The following HNF1B variants were observed in gnomAD, a reference collection of about 807,000 sequenced individuals.
HNF1B encodes hepatocyte nuclear factor 1-beta.
A neutral mutation model predicts 61.7 loss-of-function variants in HNF1B; 8 were observed. The ratio of observed to expected loss-of-function variants is 0.13; its 90% CI spans 0.08 to 0.23. The LOEUF is 0.23. Among genes scored for constraint, HNF1B ranks in the 10% least tolerant of loss-of-function variants. HNF1B has a pLI of 1.00. For missense variants in HNF1B, 562 were observed against 714.5 expected, an observed-to-expected ratio of 0.79 and a Z score of 2.43; for synonymous variants, 314 against 287.7, an observed-to-expected ratio of 1.09 and a Z score of -0.93.
chr17:37,705,234 C>G (rs1366956605), intron 5 of HNF1B, among the ~76,000 whole-genome samples, 185 bp from the exon 6 acceptor site: 1 of 152,174 alleles, frequency 6.6e-6, no homozygotes, highest in African/African-American at 2.4e-5. Context: ...CTTTGGGAAG[C>G]CAAGACAGGA....
chr17:37,692,552 A>G (rs1332027110), intron 8 of HNF1B, among the ~76,000 whole-genome samples: 4 of 152,232 alleles, frequency 2.6e-5, no homozygotes, highest in African/African-American at 4.8e-5. Flanking sequence ...CTAGAAAAGC[A>G]TCTGGGGTGC....
intron 5 of HNF1B, among the ~76,000 whole-genome samples, chr17:37,709,176 C>A (rs757038175): frequency 6.6e-6 from 1 of 152,198 alleles, no homozygotes; most frequent in East Asian, 1.9e-4. Flanking sequence ...ATAAGCCACT[C>A]TCTCCTGCAC....
In HNF1B at chr17:37,698,472, T is replaced by G. The variant is rs1284732367; in HGVS notation, c.1653+604A>C. On this transcript the variant is annotated intron_variant, in intron 8 of 8. Transcript: ENST00000617811. ...GACTAAGCCTCTGGATTCCCCACTT[T>G]CAGTGCAGCAGGAAGTTGATTCTAA... Among the ~76,000 whole-genome samples, 3 of 152,126 alleles carry G rather than the reference T, an allele frequency of 2.0e-5. No individual in the cohort carries two copies. In the East Asian group the frequency reaches 5.8e-4, roughly 29 times the overall value.
intron 4 of HNF1B, chr17:37,731,006 A>G (rs2033663730): frequency 5.7e-6 from 1 of 174,188 alleles, no homozygotes; most frequent in Non-Finnish European, 1.2e-5. Context: ...TGGAGCAGGT[A>G]CTCGGTCAGT....
At chr17:37,743,469 G>A (rs562691164) in intron 1 of HNF1B, among the ~76,000 whole-genome samples, 1 of 152,362 alleles carries the variant, frequency 6.6e-6, no homozygotes, top group South Asian at 2.1e-4. Context: ...GTTTTGGCTA[G>A]AGGGCAAACC....
At chr17:37,725,857 G>A (rs2033478141) in intron 4 of HNF1B, among the ~76,000 whole-genome samples, 1 of 152,234 alleles carries the variant, frequency 6.6e-6, no homozygotes, top group South Asian at 2.1e-4. Context: ...GCCCCATTAA[G>A]TTGTTAAGGC....
intron 2 of HNF1B, among the ~76,000 whole-genome samples, chr17:37,734,183 G>A (rs991226651): frequency 1.3e-5 from 2 of 152,204 alleles, no homozygotes; most frequent in Admixed American, 6.5e-5. Context: ...GCTCAATCAA[G>A]TCTCACATCC....
intron 4 of HNF1B, among the ~76,000 whole-genome samples, chr17:37,717,327 C>G (rs999558839): frequency 1.3e-5 from 2 of 152,186 alleles, no homozygotes; most frequent in African/African-American, 4.8e-5. Context: ...CAGCCACCAA[C>G]AGAGTAAACA....
intron 2 of HNF1B, 53 bp downstream of exon 2, chr17:37,739,387 G>A: frequency 6.5e-7 from 1 of 1,543,716 alleles, no homozygotes; most frequent in Non-Finnish European, 9.0e-7. Context: ...CCAATGGGGT[G>A]AGAGGGCAAA....
chr17:37,702,420 G>C (rs554205074), intron 6 of HNF1B, among the ~76,000 whole-genome samples: 1 of 152,092 alleles, frequency 6.6e-6, no homozygotes, highest in Non-Finnish European at 1.5e-5. Context: ...GTGGGGGCTG[G>C]GGGTGCCACC....
rs761684626 is a variant in HNF1B at position 37,701,128 on chromosome 17, G to T, written c.1389C>A (p.Ala463=). The T allele has an allele frequency of 2.6e-6, 4 of 1,552,040 alleles. No homozygotes were observed. The South Asian group carries it at 4.8e-5, about 18-fold the overall frequency. The change falls in exon 7 of 9, where the codon GCC becomes GCA. Residue 463 remains alanine (A), a synonymous_variant. Transcript: ENST00000617811. The part of the protein sequence containing the change: ...AQSVPVINSV[A]GSLAALQPVQ... The stretch of plus-strand genomic sequence containing the variant: ...CGGGCTGCAGGGCTGCCAGGCTGCC[G>T]GCCACACTGTTGATGACAGGGACAC...
In HNF1B at chr17:37,701,136, T is replaced by C; in HGVS notation, c.1381A>G (p.Ser461Gly). The C allele has an allele frequency of 1.3e-6, 2 of 1,552,028 alleles. No individual in the cohort carries two copies. Among genetic ancestry groups the C allele is most frequent in the Non-Finnish European group, 1.7e-6 (2 of 1,147,562 alleles). The part of the protein sequence containing the change: ...SQAQSVPVIN[S>G]VAGSLAALQP... ...AGGGCTGCCAGGCTGCCGGCCACACTGTTGATGACAGGGACACTCTGTGCT... is the reference window on the plus strand; with the variant it reads ...AGGGCTGCCAGGCTGCCGGCCACACCGTTGATGACAGGGACACTCTGTGCT... Residue 461 changes from serine (S) to glycine (G), a missense_variant, in exon 7 of 9, where the codon AGT becomes GGT. By Grantham distance (56) the Ser-to-Gly change is moderately conservative. This residue lies in a region of HNF1B where 211 missense variants were observed against 200.7 expected (regional missense o/e 1.05). Coordinates refer to ENST00000617811, the MANE Select transcript of HNF1B (RefSeq NM_000458.4).
chr17:37,705,100 G>A (rs376816200), intron 5 of HNF1B, 51 bp from the exon 6 acceptor site: 2 of 1,578,404 alleles, frequency 1.3e-6, no homozygotes, highest in African/African-American at 1.3e-5. Context: ...GGACCACAAA[G>A]AGCAGTTTCC....
chr17:37,696,735 G>T (rs1395683777), intron 8 of HNF1B, among the ~76,000 whole-genome samples: 1 of 152,222 alleles, frequency 6.6e-6, no homozygotes, highest in Admixed American at 6.5e-5. Flanking sequence ...TGAAATTCCT[G>T]TTGGAATATA....
chr17:37,714,814 G>A (rs533888103), intron 4 of HNF1B, among the ~76,000 whole-genome samples: 11 of 152,178 alleles, frequency 7.2e-5, no homozygotes, highest in African/African-American at 2.2e-4. Flanking sequence ...TGCCAGCACC[G>A]TCTCTAGGGT....
intron 6 of HNF1B, among the ~76,000 whole-genome samples, chr17:37,703,086 C>A (rs1202842287): frequency 6.7e-6 from 1 of 149,290 alleles, no homozygotes; most frequent in Non-Finnish European, 1.5e-5. Context: ...AATTCTGAGG[C>A]AGGGCCCATG....
rs376227462 is a variant in HNF1B at position 37,717,698 on chromosome 17, C to T, written c.1046-7035G>A. On this transcript the variant is annotated intron_variant, in intron 4 of 8. Coordinates refer to ENST00000617811, the MANE Select transcript of HNF1B (RefSeq NM_000458.4). The stretch of plus-strand genomic sequence containing the variant: ...ACAAATGATTCTGTCTGGTGAACTT[C>T]TGAGAGGCCCATTTGGAAGAAAAGA... Among the ~76,000 whole-genome samples the T allele has an allele frequency of 7.2e-5, 11 of 152,272 alleles. No individual in the cohort carries two copies. In the East Asian group the frequency reaches 1.5e-3, roughly 21 times the overall value.
At chr17:37,714,283 G>A (rs775426135) in intron 4 of HNF1B, among the ~76,000 whole-genome samples, 2 of 152,204 alleles carry the variant, frequency 1.3e-5, no homozygotes, top group Non-Finnish European at 2.9e-5. Context: ...GAAGGCTGAG[G>A]TCGTGCCACT....
intron 4 of HNF1B, among the ~76,000 whole-genome samples, chr17:37,726,136 C>CTG (rs60311199): frequency 0.083 from 12,503 of 150,364 alleles, 1,665 homozygotes; most frequent in African/African-American, 0.28. Context: ...CTGCTGGGGG[C>CTG]TGTGTGTGTG....
Sources: gnomAD v4.1 joint callset for allele counts (sites outside exome capture counted in the v4.1 genomes callset) on GRCh38, gnomAD v4.1.1 for gene constraint, gnomAD v4.1.1 regional missense constraint, MANE v1.5 for transcripts, NCBI Gene and HGNC (gene_info 2026-07-23, HGNC 2026-07-21) for gene names.